The following HDGFL2 variants were observed in gnomAD, a reference collection of about 807,000 sequenced individuals.
HDGFL2 encodes the protein hepatoma-derived growth factor-related protein 2.
In HDGFL2, 36 loss-of-function variants were observed where a neutral mutation model predicts 77.1. That is an observed-to-expected ratio of 0.47 (90% CI 0.36 to 0.62). HDGFL2 has a LOEUF of 0.62. HDGFL2 is among the 20% of genes least tolerant of loss of function. The pLI is 0.00. For missense variants in HDGFL2, 976 were observed against 973.4 expected (o/e 1.00, Z -0.04); for synonymous variants, 463 against 413.1 (o/e 1.12, Z -1.46).
rs1454603834 is a variant in HDGFL2, at chr19:4,493,790, T to C, written c.766T>C (p.Ser256Pro). The change falls in exon 7 of 16, where the codon TCC becomes CCC. Residue 256 changes from serine to proline, a missense_variant. Coordinates refer to ENST00000616600, the MANE Select transcript of HDGFL2 (RefSeq NM_001001520.3). ...GGTGGCCATGGCGCGGTCGGCGTCC[T>C]CCTCCTCCTCTTCCTCCTCCTCCTC... ...EPVAMARSAS[S>P]SSSSSSSSDS... 6.5e-7 allele frequency: 1 copy of C among 1,543,766 alleles called. No individual in the cohort carries two copies. The highest frequency in any genetic ancestry group is 1.4e-5 in the African/African-American group (1 of 72,928).
intron 3 of HDGFL2, among the ~76,000 whole-genome samples, chr19:4,486,052 CAAAAAAA>C (rs548919228): frequency 1.3e-5 from 1 of 74,968 alleles, no homozygotes; most frequent in Non-Finnish European, 2.7e-5. Flanking sequence ...GACCCCGTCT[CAAAAAAA>C]AAAAAAAAAA....
At chr19:4,475,012 C>A (rs576494476) in intron 1 of HDGFL2, 3 of 471,816 alleles carry the variant, frequency 6.4e-6, no homozygotes, top group Non-Finnish European at 1.1e-5. Flanking sequence ...TTCAGAGGGC[C>A]GGATCTGGCT....
At chr19:4,476,911 G>C (rs555021629) in intron 3 of HDGFL2, among the ~76,000 whole-genome samples, 2 of 151,940 alleles carry the variant, frequency 1.3e-5, no homozygotes, top group African/African-American at 2.4e-5. Flanking sequence ...GGGGTTAGTA[G>C]CCCAGGCTTA....
intron 9 of HDGFL2, among the ~76,000 whole-genome samples, chr19:4,495,811 A>G (rs1975686760): frequency 6.6e-6 from 1 of 152,082 alleles, no homozygotes; most frequent in South Asian, 2.1e-4. Context: ...GGACTCTCCT[A>G]TACCACGTGT....
At chr19:4,480,512 A>T (rs2080333923) in intron 3 of HDGFL2, among the ~76,000 whole-genome samples, 1 of 152,288 alleles carries the variant, frequency 6.6e-6, no homozygotes, top group South Asian at 2.1e-4. Context: ...TGAGGTCAGG[A>T]GTTTGAGATC....
rs1289960501 is a variant in HDGFL2 at position 4,475,512 on chromosome 19, A to C, written c.217A>C (p.Lys73Gln). 3.1e-6 allele frequency: 5 copies of C among 1,604,634 alleles called. No homozygotes were observed. The highest frequency in any genetic ancestry group is 4.2e-6 in the Non-Finnish European group (5 of 1,177,640). Residue 73 changes from lysine (K) to glutamine (Q), a missense_variant, in exon 3 of 16, where the codon AAG becomes CAG. Transcript: ENST00000616600. ...TAAAGACAAGTACGGGAAGCCCAAC[A>C]AGAGGAAAGGCTTCAATGAAGGGCT... ...KCKDKYGKPN[K>Q]RKGFNEGLWE...
intron 6 of HDGFL2, among the ~76,000 whole-genome samples, chr19:4,492,882 GTGTGTTATC>G (rs1029493157): frequency 1.1e-4 from 13 of 116,176 alleles, no homozygotes; most frequent in African/African-American, 5.1e-4. Context: ...GTGGTGTGGT[GTGTGTTATC>G]TGTGGTGTGT....
chr19:4,474,027 G>C (rs1262954030), intron 1 of HDGFL2, among the ~76,000 whole-genome samples: 1 of 152,040 alleles, frequency 6.6e-6, no homozygotes. Context: ...TCCGCACCTT[G>C]GAGTCCCAGG....
In HDGFL2 at chr19:4,494,935, A is replaced by T. The variant is rs966864553; in HGVS notation, c.1224+460A>T. ...ACCCTGTCTCAAAACAAAACAAAGG[A>T]GGGAGGAGCTGTACAGATGACATGA... On this transcript the variant is annotated intron_variant, in intron 9 of 15. Coordinates refer to ENST00000616600, the MANE Select transcript of HDGFL2 (RefSeq NM_001001520.3). 2.0e-5 allele frequency among the ~76,000 whole-genome samples: 3 copies of T among 151,700 alleles called. No individual in the cohort carries two copies. The East Asian group carries it at 5.9e-4, about 30-fold the overall frequency.
chr19:4,489,387 G>A (rs954399992), intron 4 of HDGFL2, among the ~76,000 whole-genome samples: 5 of 151,574 alleles, frequency 3.3e-5, no homozygotes, highest in Non-Finnish European at 7.4e-5. Flanking sequence ...CCAGTAGCTG[G>A]GATTATGGGC....
chr19:4,474,824 T>G (rs1599695703), intron 1 of HDGFL2: 1 of 175,286 alleles, frequency 5.7e-6, no homozygotes. Context: ...AGGGAGAGGG[T>G]GGGACTTCCT....
At chr19:4,501,603 G>C in intron 15 of HDGFL2, 1 of 477,590 alleles carries the variant, frequency 2.1e-6, no homozygotes, top group South Asian at 3.5e-5. Context: ...GGTAGGCCCC[G>C]AGCACGGGCA....
chr19:4,498,121 C>G, intron 11 of HDGFL2, 90 bp downstream of exon 11: 1 of 1,289,650 alleles, frequency 7.8e-7, no homozygotes, highest in Non-Finnish European at 1.1e-6. Context: ...CCGCCTGTCC[C>G]TAGAGAGGGT....
chr19:4,477,697 C>T (rs563801928), intron 3 of HDGFL2, among the ~76,000 whole-genome samples: 2 of 152,142 alleles, frequency 1.3e-5, no homozygotes, highest in East Asian at 1.9e-4. Flanking sequence ...CTGTACAGAT[C>T]CCCCAAGATG....
chr19:4,494,151 C>T lies in HDGFL2; in HGVS notation c.915-15C>T. 1 of 1,491,464 alleles carries T rather than the reference C, an allele frequency of 6.7e-7. No individual in the cohort carries two copies. Among genetic ancestry groups the T allele is most frequent in the Non-Finnish European group, 8.9e-7 (1 of 1,123,116 alleles). The allele number at this position is 1,491,464 out of a possible 1,614,324, so 92.4% of individuals were successfully genotyped here. A position where few individuals can be genotyped will look rare whatever the true frequency, so the allele number is the denominator to read the frequency against. ...GGGAGGAACGGAGGTCCCCAACCGCCCCCTCCGCCTCCAGTGACAGCGACG... is the reference window on the plus strand; with the variant it reads ...GGGAGGAACGGAGGTCCCCAACCGCTCCCTCCGCCTCCAGTGACAGCGACG... On this transcript the variant is annotated splice_polypyrimidine_tract_variant and intron_variant, in intron 8 of 15. Coordinates refer to ENST00000616600, the MANE Select transcript of HDGFL2 (RefSeq NM_001001520.3).
intron 3 of HDGFL2, among the ~76,000 whole-genome samples, chr19:4,480,553 T>C (rs979308833): frequency 1.3e-5 from 2 of 152,188 alleles, no homozygotes; most frequent in Non-Finnish European, 2.9e-5. Context: ...ACCCCATCTC[T>C]ACTAAAAATG....
intron 4 of HDGFL2, 75 bp downstream of exon 4, chr19:4,488,951 CCTTT>C: frequency 6.8e-6 from 7 of 1,023,458 alleles, no homozygotes; most frequent in East Asian, 2.6e-5. Flanking sequence ...GCTCTCCTGC[CCTTT>C]TTTTTTTTTT....
At chr19:4,476,508 CAG>C (rs935376927) in intron 3 of HDGFL2, among the ~76,000 whole-genome samples, 2 of 151,782 alleles carry the variant, frequency 1.3e-5, no homozygotes, top group Admixed American at 6.6e-5. Context: ...GAATTTCTAA[CAG>C]AGTGTTATCA....
intron 3 of HDGFL2, among the ~76,000 whole-genome samples, chr19:4,477,822 C>T (rs1324058791): frequency 6.6e-6 from 1 of 152,104 alleles, no homozygotes; most frequent in African/African-American, 2.4e-5. Context: ...TGGCTCACAC[C>T]TGTAATCCCA....
Sources: allele counts gnomAD v4.1 joint callset (sites outside exome capture counted in the v4.1 genomes callset), GRCh38; gene constraint gnomAD v4.1.1; transcripts MANE v1.5; gene names NCBI Gene and HGNC (gene_info 2026-07-23, HGNC 2026-07-21).